CDH8: variants seen among roughly 807,000 people sequenced by gnomAD.
CDH8 encodes cadherin-8.
A neutral mutation model predicts 68.1 loss-of-function variants in CDH8; 17 were observed. The observed-to-expected ratio is 0.25, with a 90% confidence interval of 0.17 to 0.37. The LOEUF is 0.37. Ranked by LOEUF, CDH8 falls within the 10% of genes least tolerant of loss-of-function variation. CDH8 has a pLI of 1.00. For synonymous variants in CDH8, 372 were observed against 365.1 expected (o/e 1.02, Z -0.21); for missense variants, 763 against 999.3 (o/e 0.76, Z 3.19).
At chr16:61,941,306 T>C (rs911505541) in intron 2 of CDH8, among the ~76,000 whole-genome samples, 2 of 152,222 alleles carry the variant, frequency 1.3e-5, no homozygotes, top group African/African-American at 4.8e-5. Flanking sequence ...TCAAAGAGTA[T>C]CTTCGTATAG....
chr16:61,671,226 C>A (rs1382068148), intron 10 of CDH8, among the ~76,000 whole-genome samples: 1 of 152,020 alleles, frequency 6.6e-6, no homozygotes, highest in Non-Finnish European at 1.5e-5. Context: ...CCCTGGGTAT[C>A]TGCATTTCAA....
intron 2 of CDH8, among the ~76,000 whole-genome samples, chr16:61,981,116 G>A (rs879314398): frequency 6.6e-6 from 1 of 152,120 alleles, no homozygotes; most frequent in Admixed American, 6.5e-5. Context: ...TTGGCACATA[G>A]AAACAACTTA....
intron 2 of CDH8, among the ~76,000 whole-genome samples, chr16:61,907,109 G>C (rs904498132): frequency 6.6e-6 from 1 of 152,064 alleles, no homozygotes; most frequent in African/African-American, 2.4e-5. Flanking sequence ...TCTTACACAG[G>C]ATTCTTCAGG....
chr16:61,683,363 T>G (rs16963813), intron 10 of CDH8, among the ~76,000 whole-genome samples: 23,986 of 151,994 alleles, frequency 0.16, 2,057 homozygotes, highest in African/African-American at 0.21. Context: ...ATGTTACCCA[T>G]GATTTAATTA....
chr16:62,011,937 C>T (rs1032695841), intron 2 of CDH8, among the ~76,000 whole-genome samples: 4 of 152,196 alleles, frequency 2.6e-5, no homozygotes, highest in East Asian at 3.9e-4. Flanking sequence ...CACAAGGCTG[C>T]CTATTGAAAT....
rs2142724900 is a variant in CDH8, at chr16:61,647,782, T to C, written c.*5826A>G. 1 of 699,272 alleles carries C rather than the reference T, an allele frequency of 1.4e-6. No individual in the cohort carries two copies. Among genetic ancestry groups the C allele is most frequent in the South Asian group, 1.5e-5 (1 of 67,466 alleles). The allele number at this position is 699,272 out of a possible 1,614,324, so 43.3% of individuals were successfully genotyped here. ...CATTTGGCTTTGGTGACCTCTCATT[T>C]CCTTTTCTGGTCCTGACCTCTGAGT... On this transcript the variant is annotated 3_prime_UTR_variant, in exon 12 of 12. Coordinates refer to ENST00000577390, the MANE Select transcript of CDH8 (RefSeq NM_001796.5).
intron 8 of CDH8, among the ~76,000 whole-genome samples, chr16:61,782,302 C>T (rs1321043778): frequency 1.3e-5 from 2 of 152,202 alleles, no homozygotes; most frequent in Non-Finnish European, 2.9e-5. Flanking sequence ...AGGGAGTTCC[C>T]TTTCCGAGTC....
At chr16:62,020,505 C>A (rs1341736859) in intron 2 of CDH8, among the ~76,000 whole-genome samples, 1 of 109,234 alleles carries the variant, frequency 9.2e-6, no homozygotes, top group African/African-American at 3.8e-5. Flanking sequence ...CGCGCACACA[C>A]ACACACACAC....
chr16:61,843,791 C>G (rs1182560689), intron 4 of CDH8, among the ~76,000 whole-genome samples: 1 of 152,062 alleles, frequency 6.6e-6, no homozygotes, highest in Non-Finnish European at 1.5e-5. Flanking sequence ...AGTTCTAGAT[C>G]CCTGAGGAAT....
intron 2 of CDH8, among the ~76,000 whole-genome samples, chr16:61,920,680 G>T (rs2143400111): frequency 2.3e-5 from 1 of 42,604 alleles, no homozygotes; most frequent in East Asian, 6.9e-4. Context: ...TTCAACCATT[G>T]TGGAAGTCAG....
chr16:61,719,056 A>G (rs1407223509), intron 9 of CDH8, among the ~76,000 whole-genome samples: 1 of 151,218 alleles, frequency 6.6e-6, no homozygotes, highest in East Asian at 2.0e-4. Flanking sequence ...TATTTTTGAT[A>G]ATTTGCATGG....
chr16:61,903,543 C>G (rs551388868), intron 2 of CDH8, among the ~76,000 whole-genome samples: 1 of 152,180 alleles, frequency 6.6e-6, no homozygotes, highest in Admixed American at 6.5e-5. Flanking sequence ...GATCTCCTGA[C>G]CTTGTGATCC....
At chr16:61,757,833 G>C (rs539976970) in intron 8 of CDH8, among the ~76,000 whole-genome samples, 2 of 152,244 alleles carry the variant, frequency 1.3e-5, no homozygotes, top group Admixed American at 6.5e-5. Flanking sequence ...GAGACAAACT[G>C]ACCCTGGCAA....
chr16:61,965,757 TG>T (rs889614075), intron 2 of CDH8, among the ~76,000 whole-genome samples: 1 of 152,204 alleles, frequency 6.6e-6, no homozygotes, highest in Middle Eastern at 3.2e-3. Context: ...TAGTGTACTT[TG>T]GGGGACATTA....
chr16:61,847,535 A>ATT (rs1411983244), intron 4 of CDH8, among the ~76,000 whole-genome samples: 21 of 71,254 alleles, frequency 2.9e-4, no homozygotes, highest in East Asian at 1.1e-3. Context: ...GCTTCCAATC[A>ATT]TTTTATATAT....
At chr16:61,759,398 G>A (rs1240862479) in intron 8 of CDH8, among the ~76,000 whole-genome samples, 1 of 151,658 alleles carries the variant, frequency 6.6e-6, no homozygotes, top group Non-Finnish European at 1.5e-5. Context: ...GGAAGAGAAG[G>A]AAAAGGAGAA....
rs1014283602 is a variant in CDH8 at position 61,988,240 on chromosome 16, A to T, written c.252+32912T>A. 1.4e-4 allele frequency among the ~76,000 whole-genome samples: 7 copies of T among 50,780 alleles called. No homozygotes were observed. The East Asian group carries it at 0.012, about 84-fold the overall frequency. 33.3% of individuals were successfully genotyped at this position (50,780 alleles called of 152,430 possible). A position where few individuals can be genotyped will look rare whatever the true frequency, so the allele number is the denominator to read the frequency against. On this transcript the variant is annotated intron_variant, in intron 2 of 11. Transcript: ENST00000577390. ...AATAACAAAACACAAAGCCTAATGC[A>T]GTGCCCAAGCAACACTCCGTACAGA...
intron 4 of CDH8, among the ~76,000 whole-genome samples, chr16:61,848,138 CT>C (rs1298729401): frequency 1.3e-5 from 2 of 152,046 alleles, no homozygotes; most frequent in Non-Finnish European, 2.9e-5. Flanking sequence ...CAATTTAATT[CT>C]GAAGGGACAT....
intron 5 of CDH8, among the ~76,000 whole-genome samples, chr16:61,822,451 C>G (rs575242754): frequency 1.3e-5 from 2 of 151,428 alleles, no homozygotes; most frequent in Non-Finnish European, 3.0e-5. Flanking sequence ...AAGGAAAAAT[C>G]AAATCTGGAG....
Sources: gnomAD v4.1 joint callset for allele counts (sites outside exome capture counted in the v4.1 genomes callset) on GRCh38, gnomAD v4.1.1 for gene constraint, MANE v1.5 for transcripts, NCBI Gene and HGNC (gene_info 2026-07-23, HGNC 2026-07-21) for gene names.